LCTL: variants seen among roughly 807,000 people sequenced by gnomAD.
LCTL encodes the protein lactase like.
LCTL carries 76 observed loss-of-function variants against 75.8 expected under a neutral mutation model. The observed-to-expected ratio is 1.00, with a 90% CI of 0.83 to 1.21. The LOEUF is 1.21. Ranked by LOEUF, LCTL falls within the 50% of genes most tolerant of loss-of-function variation. The probability of loss-of-function intolerance (pLI) is 0.00; values close to 1 mark genes in which losing one functional copy is unlikely to be tolerated. For missense variants in LCTL, 670 were observed against 712.4 expected (o/e 0.94, Z 0.68); for synonymous variants, 271 against 268.8 (o/e 1.01, Z -0.08).
exon 9 of LCTL, chr15:66,553,064 C>A (rs1895649992): frequency 6.2e-7 from 1 of 1,603,432 alleles, no homozygotes; most frequent in Admixed American, 1.7e-5. Flanking sequence ...CAGTTTGGGT[C>A]AACCAGCTCT....
chr15:66,563,205 G>C (rs569078653), intron 4 of LCTL, among the ~76,000 whole-genome samples: 31 of 152,332 alleles, frequency 2.0e-4, no homozygotes, highest in African/African-American at 7.0e-4. Flanking sequence ...CATCTTGGAA[G>C]CAGAGACTGG....
chr15:66,564,249 G>C (rs1303786027), intron 2 of LCTL: 12 of 552,480 alleles, frequency 2.2e-5, no homozygotes, highest in Non-Finnish European at 3.2e-5. Flanking sequence ...TAGTAAACCT[G>C]GGTGATGAGT....
At chr15:66,561,039 G>A (rs529701551) in exon 6 of LCTL, 39 of 1,614,014 alleles carry the variant, frequency 2.4e-5, no homozygotes, top group East Asian at 6.7e-5. Context: ...TGTACAGGCC[G>A]GTGCCGCGGA....
chr15:66,558,687 G>GTGT (rs1567060806), intron 6 of LCTL, among the ~76,000 whole-genome samples: 2 of 97,548 alleles, frequency 2.1e-5, no homozygotes, highest in Non-Finnish European at 4.1e-5. Flanking sequence ...GTGTGTGTGT[G>GTGT]TTTTTTTTTT....
chr15:66,564,558 T>TG (rs1370219130), intron 2 of LCTL, 118 bp downstream of exon 3: 2 of 1,193,582 alleles, frequency 1.7e-6, no homozygotes, highest in African/African-American at 3.1e-5. Context: ...TGGCAGAGCA[T>TG]GGGGATGACA....
chr15:66,563,405 A>G (rs1212587380), intron 4 of LCTL, 111 bp downstream of exon 5: 3 of 640,776 alleles, frequency 4.7e-6, no homozygotes. Flanking sequence ...GTCCTGCGCC[A>G]GAATCCAGAC....
intron 8 of LCTL, among the ~76,000 whole-genome samples, chr15:66,556,586 T>G (rs1895744151): frequency 6.6e-6 from 1 of 152,184 alleles, no homozygotes. Flanking sequence ...ATTACAGGCT[T>G]GAGCCACCGT....
intron 1 of LCTL, 144 bp downstream of exon 2, chr15:66,565,104 T>C (rs1239935419): frequency 1.4e-6 from 1 of 715,384 alleles, no homozygotes. Flanking sequence ...AAATATCTGT[T>C]AGGAGCTTTT....
chr15:66,563,365 A>C, intron 4 of LCTL, 151 bp downstream of exon 5: 1 of 558,760 alleles, frequency 1.8e-6, no homozygotes, highest in East Asian at 2.9e-5. Context: ...AGTGAGTCAG[A>C]GAGATTTTTT....
At chr15:66,548,734 T>TA (rs1338536641) in intron 12 of LCTL, 129 bp from the exon 14 acceptor site, 2 of 509,990 alleles carry the variant, frequency 3.9e-6, no homozygotes, top group African/African-American at 3.8e-5. Context: ...TTCTGATTCT[T>TA]ATTTGCCATG....
intron 7 of LCTL, 26 bp downstream of exon 8, chr15:66,557,956 G>A (rs1895782209): frequency 3.7e-6 from 6 of 1,606,846 alleles, no homozygotes; most frequent in Non-Finnish European, 5.1e-6. Flanking sequence ...GGCTGTCCTG[G>A]GTACATGTGT....
intron 6 of LCTL, among the ~76,000 whole-genome samples, chr15:66,559,585 G>A (rs1363508018): frequency 6.6e-6 from 1 of 152,022 alleles, no homozygotes; most frequent in Non-Finnish European, 1.5e-5. Flanking sequence ...GCGTATGCCT[G>A]TAATCCCAGC....
At chr15:66,549,748 T>G (rs1895526627) in intron 12 of LCTL, 1 of 217,272 alleles carries the variant, frequency 4.6e-6, no homozygotes, top group African/African-American at 2.3e-5. Flanking sequence ...TTCCTCTCCT[T>G]GCCCAAGCCC....
At chr15:66,558,016 A>G (rs1437682586) in exon 7 of LCTL, 1 of 1,606,410 alleles carries the variant, frequency 6.2e-7, no homozygotes, top group Non-Finnish European at 8.5e-7. Flanking sequence ...TGTTATAAGA[A>G]TGCCAGGCTT....
intron 4 of LCTL, among the ~76,000 whole-genome samples, chr15:66,562,402 C>CAA (rs201874546): frequency 3.7e-4 from 39 of 105,618 alleles, no homozygotes; most frequent in African/African-American, 9.9e-4. Flanking sequence ...GACTCCATCT[C>CAA]AAAAAAAAAA....
chr15:66,552,396 C>T (rs531307528), intron 9 of LCTL, among the ~76,000 whole-genome samples: 9 of 152,146 alleles, frequency 5.9e-5, no homozygotes, highest in East Asian at 3.8e-4. Flanking sequence ...TGTTGCCAGG[C>T]GCGGTGGCTC....
intron 6 of LCTL, among the ~76,000 whole-genome samples, chr15:66,558,687 GTT>G (rs11354993): frequency 0.011 from 1,041 of 97,520 alleles, 8 homozygotes; most frequent in African/African-American, 0.035. Flanking sequence ...GTGTGTGTGT[GTT>G]TTTTTTTTTT....
chr15:66,564,833 G>A, exon 2 of LCTL: 1 of 1,611,504 alleles, frequency 6.2e-7, no homozygotes. Context: ...CACGCCCCAG[G>A]AGAAGCCTGC....
chr15:66,550,786 T>C (rs905165878), intron 11 of LCTL, among the ~76,000 whole-genome samples: 4 of 151,950 alleles, frequency 2.6e-5, no homozygotes, highest in African/African-American at 9.7e-5. Flanking sequence ...GCCAAGACAC[T>C]CGAGATTACA....
Sources: gnomAD v4.1 joint callset for allele counts (sites outside exome capture counted in the v4.1 genomes callset) on GRCh38, gnomAD v4.1.1 for gene constraint, MANE v1.5 for transcripts, NCBI Gene and HGNC (gene_info 2026-07-23, HGNC 2026-07-21) for gene names.